The following CUX1 variants were observed in gnomAD, a reference collection of about 807,000 sequenced individuals.
CUX1 encodes cut like homeobox 1.
A neutral mutation model predicts 158.8 loss-of-function variants in CUX1; 31 were observed. The ratio of observed to expected loss-of-function variants is 0.20; its 90% CI spans 0.15 to 0.26. The LOEUF is 0.26. Among genes scored for constraint, CUX1 ranks in the 10% least tolerant of loss-of-function variants. CUX1 has a pLI of 1.00. For synonymous variants in CUX1, 879 were observed against 862.1 expected (o/e 1.02, Z -0.34); for missense variants, 1,589 against 2,014.6 (o/e 0.79, Z 4.04).
At chr7:102,280,049 G>A (rs1554548776) in exon 19 of CUX1, 6 of 1,608,162 alleles carry the variant, frequency 3.7e-6, no homozygotes, top group Admixed American at 1.7e-5. Flanking sequence ...CAGCGGCAGT[G>A]ATGACACGGA....
At chr7:102,164,149 C>G (rs1790756055) in intron 9 of CUX1, among the ~76,000 whole-genome samples, 1 of 152,240 alleles carries the variant, frequency 6.6e-6, no homozygotes, top group African/African-American at 2.4e-5. Flanking sequence ...TTCAGCAATT[C>G]ACAGCCTTTT....
rs377374556 is a variant in CUX1 at position 101,836,461 on chromosome 7, G to A, written c.30+18792G>A. Reference sequence around the variant, plus strand: ...TGGGATGAGAGTTGGTTGCCCCCGCGGTCCTCCCTTCCCCCAACCCCACCT... The same window carrying A: ...TGGGATGAGAGTTGGTTGCCCCCGCAGTCCTCCCTTCCCCCAACCCCACCT... On this transcript the variant is annotated intron_variant, in intron 1 of 23. Transcript: ENST00000292535. 2.6e-5 allele frequency among the ~76,000 whole-genome samples: 4 copies of A among 151,746 alleles called. No individual in the cohort carries two copies. In the East Asian group the frequency reaches 5.8e-4, roughly 22 times the overall value.
Position 102,234,162 on chromosome 7 carries a change from T to C in CUX1, c.3544T>C (p.Phe1182Leu). 6.2e-7 allele frequency: 1 copy of C among 1,601,474 alleles called. No homozygotes were observed. The highest frequency in any genetic ancestry group is 8.5e-7 in the Non-Finnish European group (1 of 1,174,838). Reference protein sequence around the residue: ...HKLSLKGREPFVRMQLWLNDP... With the variant: ...HKLSLKGREPLVRMQLWLNDP... ...GCTCAGTCTGAAAGGACGAGAGCCC[T>C]TCGTCCGGATGCAGCTGTGGCTGAA... Residue 1182 changes from phenylalanine (F) to leucine (L), a missense_variant, in exon 22 of 24, where the codon TTC becomes CTC. Physicochemically the swap from Phe to Leu is conservative, Grantham distance 22. Around this residue, in one of 8 missense-constraint regions of CUX1, gnomAD observed 259 missense variants for 373.8 expected, o/e 0.69. Coordinates refer to ENST00000292535, the MANE Select transcript of CUX1 (RefSeq NM_181552.4).
At chr7:102,275,544 GA>G (rs1554547572) in intron 17 of CUX1, among the ~76,000 whole-genome samples, 1 of 152,196 alleles carries the variant, frequency 6.6e-6, no homozygotes, top group Admixed American at 6.5e-5. Flanking sequence ...AGAAGACTCA[GA>G]TGCTCACAGT....
chr7:102,214,428 G>A (rs782520659), intron 20 of CUX1, among the ~76,000 whole-genome samples: 1 of 152,218 alleles, frequency 6.6e-6, no homozygotes, highest in Non-Finnish European at 1.5e-5. Context: ...GGAGGCTGAG[G>A]CAGGAGGATT....
At chr7:102,242,829 C>T (rs1257901101) in intron 23 of CUX1, among the ~76,000 whole-genome samples, 1 of 152,174 alleles carries the variant, frequency 6.6e-6, no homozygotes, top group Non-Finnish European at 1.5e-5. Flanking sequence ...CAGTCATACC[C>T]GTCACACTGT....
At chr7:102,130,330 A>G (rs1189289286) in intron 8 of CUX1, among the ~76,000 whole-genome samples, 2 of 152,202 alleles carry the variant, frequency 1.3e-5, no homozygotes, top group Non-Finnish European at 2.9e-5. Context: ...ATTAACCCCC[A>G]CATGACCACA....
chr7:102,090,452 A>G (rs1300872198), intron 4 of CUX1, among the ~76,000 whole-genome samples: 5 of 151,728 alleles, frequency 3.3e-5, no homozygotes, highest in African/African-American at 1.2e-4. Context: ...CAGTGGCGCA[A>G]TCTCAGCTCA....
chr7:102,195,483 A>C (rs782070712), intron 13 of CUX1, 24 bp from the exon 14 acceptor site: 3 of 1,593,966 alleles, frequency 1.9e-6, no homozygotes, highest in South Asian at 2.3e-5. Flanking sequence ...CCCCGCAGTG[A>C]GACCCCCGCT....
At chr7:102,245,675 G>A (rs1274508578) in intron 23 of CUX1, among the ~76,000 whole-genome samples, 1 of 152,136 alleles carries the variant, frequency 6.6e-6, no homozygotes, top group African/African-American at 2.4e-5. Flanking sequence ...CAAGAAATAA[G>A]AAAACTGAAG....
At chr7:102,219,930 G>A (rs1797641294) in intron 20 of CUX1, among the ~76,000 whole-genome samples, 1 of 152,250 alleles carries the variant, frequency 6.6e-6, no homozygotes, top group South Asian at 2.1e-4. Context: ...TCAGAAGCAA[G>A]GCTTGGGAAC....
At chr7:101,951,885 G>A (rs1267325950) in intron 2 of CUX1, among the ~76,000 whole-genome samples, 1 of 152,250 alleles carries the variant, frequency 6.6e-6, no homozygotes, top group Non-Finnish European at 1.5e-5. Context: ...AATACTGTAG[G>A]TTTCGGCAGG....
chr7:101,985,340 C>T (rs1307709236), intron 2 of CUX1, among the ~76,000 whole-genome samples: 1 of 152,132 alleles, frequency 6.6e-6, no homozygotes, highest in African/African-American at 2.4e-5. Context: ...GAGACACAGA[C>T]AGGCCCTGGG....
intron 9 of CUX1, among the ~76,000 whole-genome samples, chr7:102,159,504 C>T (rs142872687): frequency 3.0e-4 from 46 of 152,322 alleles, no homozygotes; most frequent in African/African-American, 9.9e-4. Flanking sequence ...CTTCCTCCCC[C>T]CAGGAGCCCA....
chr7:101,889,850 C>A lies in CUX1; in HGVS notation c.31-26265C>A, dbSNP rs1032544849. On this transcript the variant is annotated intron_variant, in intron 1 of 23. Coordinates refer to ENST00000292535, the MANE Select transcript of CUX1 (RefSeq NM_181552.4). Reference sequence around the variant, plus strand: ...TAATTTCCTGGAAGAGGGAACTCTGCAGTTGCAAATGCGGCCTTCTTACAA... The same window carrying A: ...TAATTTCCTGGAAGAGGGAACTCTGAAGTTGCAAATGCGGCCTTCTTACAA... 2.6e-5 allele frequency among the ~76,000 whole-genome samples: 4 copies of A among 152,240 alleles called. No homozygotes were observed. The East Asian group carries it at 7.7e-4, about 29-fold the overall frequency.
chr7:102,187,639 C>T (rs1269475752), intron 11 of CUX1, among the ~76,000 whole-genome samples: 5 of 151,452 alleles, frequency 3.3e-5, no homozygotes, highest in African/African-American at 7.3e-5. Context: ...CGTTTATGCA[C>T]GCTAAATTTA....
rs1586386125 is a variant in CUX1, at chr7:102,238,274, T to C, written c.3623-1046T>C. Among the ~76,000 whole-genome samples, 3 of 152,178 alleles carry C rather than the reference T, an allele frequency of 2.0e-5. No homozygotes were observed. The East Asian group carries it at 5.8e-4, about 29-fold the overall frequency. On this transcript the variant is annotated intron_variant, in intron 22 of 23. Transcript: ENST00000292535. ...CTGTGTTTTTCCTTGACACTGAGGC[T>C]ACCGCTAGACCACGGTCCGCCTGGC...
chr7:101,835,207 C>T (rs768075917), intron 1 of CUX1, among the ~76,000 whole-genome samples: 1 of 152,144 alleles, frequency 6.6e-6, no homozygotes, highest in Non-Finnish European at 1.5e-5. Context: ...TTCTCTGCAT[C>T]TATTCTCTGC....
chr7:102,250,254 T>C lies in CUX1; in HGVS notation c.*1212T>C, dbSNP rs1050839587. On this transcript the variant is annotated 3_prime_UTR_variant, in exon 24 of 24. Transcript: ENST00000292535. ...CTGTGCGTCTGCACGTGTGCAAGCA[T>C]TGAAAGAAAGGAGAGAGTAGTCCGG... 8.1e-6 allele frequency: 8 copies of C among 985,380 alleles called. No individual in the cohort carries two copies. The African/African-American group carries it at 8.7e-5, about 11-fold the overall frequency. The allele number at this position is 985,380 out of a possible 1,614,324, so 61.0% of individuals were successfully genotyped here.
Sources: gnomAD v4.1 joint callset for allele counts (sites outside exome capture counted in the v4.1 genomes callset) on GRCh38, gnomAD v4.1.1 for gene constraint, gnomAD v4.1.1 regional missense constraint, MANE v1.5 for transcripts, NCBI Gene and HGNC (gene_info 2026-07-23, HGNC 2026-07-21) for gene names.